The following CHD2 variants were observed in gnomAD, a reference collection of about 807,000 sequenced individuals.
The protein encoded by CHD2 is ATP-dependent chromatin remodeler CHD2.
In CHD2, 28 loss-of-function variants were observed where a neutral mutation model predicts 243.9. That is an observed-to-expected ratio of 0.11 (90% CI 0.09 to 0.16). CHD2 has a LOEUF of 0.16. Ranked by LOEUF, CHD2 falls within the 10% of genes least tolerant of loss-of-function variation. The pLI is 1.00. For synonymous variants in CHD2, 775 were observed against 779.0 expected (o/e 0.99, Z 0.09); for missense variants, 1,386 against 2,209.8 (o/e 0.63, Z 7.47).
intron 2 of CHD2, among the ~76,000 whole-genome samples, chr15:92,909,617 G>C (rs1208647978): frequency 6.6e-6 from 1 of 152,124 alleles, no homozygotes; most frequent in African/African-American, 2.4e-5. Context: ...ACACAGTGCG[G>C]TGCTGCAATC....
At chr15:92,903,692 G>A (rs1451783015) in intron 2 of CHD2, among the ~76,000 whole-genome samples, 1 of 152,200 alleles carries the variant, frequency 6.6e-6, no homozygotes, top group Non-Finnish European at 1.5e-5. Flanking sequence ...ATAATTTGCA[G>A]CTTGGGGATA....
At chr15:92,956,697 G>A (rs1374510846) in intron 16 of CHD2, 48 bp downstream of exon 16, 3 of 1,530,796 alleles carry the variant, frequency 2.0e-6, no homozygotes, top group Non-Finnish European at 2.6e-6. Context: ...TGTCTGAAAT[G>A]CCAATGCTTT....
chr15:92,971,739 A>T, intron 17 of CHD2, 26 bp from the exon 18 acceptor site: 1 of 1,602,112 alleles, frequency 6.2e-7, no homozygotes, highest in South Asian at 1.1e-5. Context: ...TGTATCTAGT[A>T]GTATCATTAT....
chr15:93,014,568 GGTA>G (rs1440318136), intron 36 of CHD2, 125 bp from the exon 37 acceptor site: 10 of 743,808 alleles, frequency 1.3e-5, no homozygotes, highest in Non-Finnish European at 2.2e-5. Context: ...TTTGTTAGGA[GGTA>G]GTAAACGCCA....
Position 92,997,616 on chromosome 15 carries a change from CTG to C in CHD2, c.3885+215_3885+216del, listed in dbSNP as rs2054203646. On this transcript the variant is annotated intron_variant, in intron 30 of 38. Coordinates refer to ENST00000394196, the MANE Select transcript of CHD2 (RefSeq NM_001271.4). This position sits in a 1 kb window ranked among gnomAD's most constrained non-coding sequence, Gnocchi z 4.1. ...GTAGCCAGGTGAAATTTTGGGGAAACTGTAGGAGAAATCTTAAAATTCTGGTA... is the reference window on the plus strand; with the variant it reads ...GTAGCCAGGTGAAATTTTGGGGAAACTAGGAGAAATCTTAAAATTCTGGTA... 2.6e-6 allele frequency: 1 copy of C among 388,226 alleles called. No homozygotes were observed. The allele number at this position is 388,226 out of a possible 1,614,324, so 24.0% of individuals were successfully genotyped here. A position where few individuals can be genotyped will look rare whatever the true frequency, so the allele number is the denominator to read the frequency against.
chr15:92,959,380 C>T (rs2053656868), intron 16 of CHD2, among the ~76,000 whole-genome samples: 1 of 152,184 alleles, frequency 6.6e-6, no homozygotes, highest in African/African-American at 2.4e-5. Context: ...CAGTTGACAC[C>T]ATAAATGTCA....
intron 5 of CHD2, among the ~76,000 whole-genome samples, chr15:92,933,672 C>G (rs1434156680): frequency 2.6e-5 from 4 of 152,214 alleles, no homozygotes; most frequent in Non-Finnish European, 5.9e-5. Flanking sequence ...GTAGCACATT[C>G]ACAGCTCACT....
chr15:92,987,997 G>A (rs1242972277), intron 26 of CHD2, among the ~76,000 whole-genome samples: 2 of 151,632 alleles, frequency 1.3e-5, no homozygotes, highest in Non-Finnish European at 2.9e-5. Flanking sequence ...ATCCCCATTT[G>A]TGCTGTTGTC....
At position 92,981,457 on chromosome 15, in the gene CHD2, G is replaced by A; in HGVS notation, c.3066G>A (p.Lys1022=). The A allele has an allele frequency of 1.2e-6, 2 of 1,609,008 alleles. No homozygotes were observed. Among genetic ancestry groups the A allele is most frequent in the Non-Finnish European group, 1.7e-6 (2 of 1,175,712 alleles). The change falls in exon 24 of 39, where the codon AAG becomes AAA. Residue 1022 remains lysine (K), a splice_region_variant and synonymous_variant. Transcript: ENST00000394196. Reference sequence around the variant, plus strand: ...CAGATGAACTTCTATCACAGTTTAAGGTATGAAGATCTTTGTGGGAGAGAG... The same window carrying A: ...CAGATGAACTTCTATCACAGTTTAAAGTATGAAGATCTTTGTGGGAGAGAG... ...SATDELLSQF[K]VANFATMEDE...
In CHD2 at chr15:92,983,168, A is replaced by G. The variant is rs1205090310; in HGVS notation, c.3067-1162A>G. Among the ~76,000 whole-genome samples the G allele has an allele frequency of 5.9e-5, 9 of 152,106 alleles. No individual in the cohort carries two copies. In the South Asian group the frequency reaches 6.2e-4, roughly 11 times the overall value. Reference sequence around the variant, plus strand: ...ACATTGGGAGTTAGGATTTCATCCTATGACTTTTGGGAAGAACATAAACAT... The same window carrying G: ...ACATTGGGAGTTAGGATTTCATCCTGTGACTTTTGGGAAGAACATAAACAT... On this transcript the variant is annotated intron_variant, in intron 24 of 38. Coordinates refer to ENST00000394196, the MANE Select transcript of CHD2 (RefSeq NM_001271.4).
chr15:92,956,666 G>T lies in CHD2; in HGVS notation c.2000+17G>T. 1 of 1,593,176 alleles carries T rather than the reference G, an allele frequency of 6.3e-7. No homozygotes were observed. The highest frequency in any genetic ancestry group is 8.5e-7 in the Non-Finnish European group (1 of 1,173,250). ...GCCGGAGAAGTAAGCTCCTTCCTGTGTATTTCAAAAGATGCTAGAATGTCT... is the reference window on the plus strand; with the variant it reads ...GCCGGAGAAGTAAGCTCCTTCCTGTTTATTTCAAAAGATGCTAGAATGTCT... On this transcript the variant is annotated intron_variant, in intron 16 of 38. Coordinates refer to ENST00000394196, the MANE Select transcript of CHD2 (RefSeq NM_001271.4).
Position 92,949,065 on chromosome 15 carries a change from T to C in CHD2, c.1491T>C (p.His497=), listed in dbSNP as rs1466638818. The change falls in exon 13 of 39, where the codon CAT becomes CAC. Residue 497 remains histidine, a synonymous_variant. Transcript: ENST00000394196. ...YQLEGLNWLA[H]SWCKNNSVIL... ...TAGAAGGTCTAAACTGGCTAGCTCATTCCTGGTGCAAGTAGGTAGAAAAAT... is the reference window on the plus strand; with the variant it reads ...TAGAAGGTCTAAACTGGCTAGCTCACTCCTGGTGCAAGTAGGTAGAAAAAT... 8.7e-6 allele frequency: 14 copies of C among 1,612,712 alleles called. No individual in the cohort carries two copies. Among genetic ancestry groups the C allele is most frequent in the Non-Finnish European group, 1.2e-5 (14 of 1,179,778 alleles).
At chr15:92,978,157 G>T in intron 20 of CHD2, 77 bp from the exon 21 acceptor site, 1 of 1,562,852 alleles carries the variant, frequency 6.4e-7, no homozygotes, top group South Asian at 1.1e-5. Flanking sequence ...GGGGTTTCCA[G>T]GTGTAAGGGC....
At chr15:92,909,243 C>G (rs2052683103) in intron 2 of CHD2, among the ~76,000 whole-genome samples, 1 of 152,184 alleles carries the variant, frequency 6.6e-6, no homozygotes, top group Admixed American at 6.5e-5. Context: ...AGTGTACTCT[C>G]CTTACATCCT....
chr15:92,975,080 G>A (rs2053890080), intron 20 of CHD2, 130 bp downstream of exon 20: 1 of 675,074 alleles, frequency 1.5e-6, no homozygotes, highest in Admixed American at 3.0e-5. Context: ...AAGAAAATGA[G>A]AAATCTCTCA....
At chr15:92,979,789 G>A (rs188935495) in intron 22 of CHD2, among the ~76,000 whole-genome samples, 2 of 152,048 alleles carry the variant, frequency 1.3e-5, no homozygotes, top group Admixed American at 1.3e-4. Flanking sequence ...ATGGTGGCAG[G>A]CGCCTGTAGT....
chr15:93,003,225 C>T (rs2054279063), intron 33 of CHD2, among the ~76,000 whole-genome samples: 1 of 149,056 alleles, frequency 6.7e-6, no homozygotes, highest in Non-Finnish European at 1.5e-5. Flanking sequence ...CTCGAGGCTG[C>T]AGTGAGCCAT....
chr15:92,924,611 TTTG>T lies in CHD2; in HGVS notation c.294+65_294+67del. 4.8e-6 allele frequency: 7 copies of T among 1,464,748 alleles called. 1 individual carries two copies. The highest frequency in any genetic ancestry group is 3.5e-4 in the Middle Eastern group (2 of 5,740). 90.7% of individuals were successfully genotyped at this position (1,464,748 alleles called of 1,614,324 possible). Reference sequence around the variant, plus strand: ...CTAGCCTAGGACAAGCTAGCAGACCTTTGTTGTTCATGAAAACTCATTAGTATA... The same window carrying T: ...CTAGCCTAGGACAAGCTAGCAGACCTTTGTTCATGAAAACTCATTAGTATA... On this transcript the variant is annotated intron_variant, in intron 3 of 38. Coordinates refer to ENST00000394196, the MANE Select transcript of CHD2 (RefSeq NM_001271.4).
intron 2 of CHD2, chr15:92,905,110 C>G (rs1374191791): frequency 1.0e-6 from 1 of 961,034 alleles, no homozygotes; most frequent in Non-Finnish European, 1.5e-6. Flanking sequence ...TGGCAGAATA[C>G]AGCGTTAGGC....
Sources: gnomAD v4.1 joint callset for allele counts (sites outside exome capture counted in the v4.1 genomes callset) on GRCh38, gnomAD v4.1.1 for gene constraint, Gnocchi (gnomAD v3.1) non-coding constraint, MANE v1.5 for transcripts, NCBI Gene and HGNC (gene_info 2026-07-23, HGNC 2026-07-21) for gene names.